The following SPAG16 variants were observed in gnomAD, a reference collection of about 807,000 sequenced individuals.
The protein encoded by SPAG16 is sperm associated antigen 16.
SPAG16 carries 86 observed loss-of-function variants against 80.4 expected under a neutral mutation model. The ratio of observed to expected loss-of-function variants is 1.07; its 90% CI spans 0.90 to 1.28. The LOEUF is 1.28. Among genes scored for constraint, SPAG16 ranks in the 50% most tolerant of loss-of-function variants. The pLI is 0.00. For synonymous variants in SPAG16, 294 were observed against 265.9 expected, an observed-to-expected ratio of 1.11 and a Z score of -1.03; for missense variants, 870 against 765.3, an observed-to-expected ratio of 1.14 and a Z score of -1.61.
chr2:213,857,698 T>A (rs530844435), intron 10 of SPAG16, among the ~76,000 whole-genome samples: 118 of 152,372 alleles, frequency 7.7e-4, no homozygotes, highest in East Asian at 1.9e-3. Flanking sequence ...CGTGGGTCAA[T>A]GAGTAATTTC....
intron 15 of SPAG16, among the ~76,000 whole-genome samples, chr2:214,193,721 C>T (rs1376878941): frequency 1.3e-5 from 2 of 152,152 alleles, no homozygotes; most frequent in South Asian, 2.1e-4. Context: ...ATTTTATATT[C>T]AGTACAGGTT....
chr2:213,839,394 AT>A (rs1166076804), intron 10 of SPAG16, among the ~76,000 whole-genome samples: 1 of 152,094 alleles, frequency 6.6e-6, no homozygotes, highest in Non-Finnish European at 1.5e-5. Context: ...TTTTTTTATG[AT>A]TTTTTCCATC....
chr2:213,659,147 C>T (rs2063330524), intron 10 of SPAG16, among the ~76,000 whole-genome samples: 1 of 151,980 alleles, frequency 6.6e-6, no homozygotes, highest in African/African-American at 2.4e-5. Flanking sequence ...TATGTCTAAC[C>T]ATCCATTGCT....
intron 8 of SPAG16, among the ~76,000 whole-genome samples, chr2:213,369,253 G>C (rs548248479): frequency 6.6e-6 from 1 of 152,156 alleles, no homozygotes; most frequent in South Asian, 2.1e-4. Context: ...TTTGCCAGAA[G>C]GAAATTAATA....
intron 12 of SPAG16, among the ~76,000 whole-genome samples, chr2:213,958,341 G>A (rs1207534128): frequency 6.6e-6 from 1 of 152,142 alleles, no homozygotes; most frequent in Non-Finnish European, 1.5e-5. Flanking sequence ...CCCATGGGCA[G>A]GTGGTTGTCA....
chr2:213,649,871 A>G (rs1454042352), intron 10 of SPAG16, among the ~76,000 whole-genome samples: 2 of 152,172 alleles, frequency 1.3e-5, no homozygotes, highest in Non-Finnish European at 2.9e-5. Context: ...TAAGAAGCTC[A>G]TTGCAGAGCT....
At chr2:214,084,933 A>C (rs933280429) in intron 13 of SPAG16, among the ~76,000 whole-genome samples, 1 of 152,204 alleles carries the variant, frequency 6.6e-6, no homozygotes, top group Admixed American at 6.5e-5. Context: ...TAAACAAAGT[A>C]TGTGGTAAGT....
Position 213,900,946 on chromosome 2 carries a change from G to A in SPAG16, c.1215-29014G>A, listed in dbSNP as rs565819965. Among the ~76,000 whole-genome samples, 30 of 152,156 alleles carry A rather than the reference G, an allele frequency of 2.0e-4. 2 individuals are homozygous for A. Among genetic ancestry groups the A allele is most frequent in the African/African-American group, 6.3e-4 (26 of 41,518 alleles). On this transcript the variant is annotated intron_variant, in intron 11 of 15. Coordinates refer to ENST00000331683, the MANE Select transcript of SPAG16 (RefSeq NM_024532.5). ...AATATTACAATTAATTCATTCTAAG[G>A]CAGAGTTTATTCAATCATCTGTATA...
chr2:213,934,150 A>G (rs2078891683), intron 12 of SPAG16, among the ~76,000 whole-genome samples: 1 of 152,220 alleles, frequency 6.6e-6, no homozygotes, highest in Admixed American at 6.5e-5. Flanking sequence ...CCATGGTCCA[A>G]TCAAGGAACT....
intron 11 of SPAG16, among the ~76,000 whole-genome samples, chr2:213,894,186 A>G (rs895338822): frequency 2.6e-5 from 4 of 152,188 alleles, no homozygotes; most frequent in Non-Finnish European, 4.4e-5. Context: ...GGTCACAAAA[A>G]TTCTCAAGAA....
chr2:213,285,897 C>A, intron 1 of SPAG16: 1 of 1,289,498 alleles, frequency 7.8e-7, no homozygotes, highest in Non-Finnish European at 1.0e-6. Flanking sequence ...TTATCTATAT[C>A]CAGTGCCCTT....
At chr2:213,592,589 C>T (rs2060737125) in intron 10 of SPAG16, among the ~76,000 whole-genome samples, 2 of 152,158 alleles carry the variant, frequency 1.3e-5, no homozygotes, top group African/African-American at 4.8e-5. Context: ...TAGTAATAGA[C>T]TAGATGACTC....
At chr2:214,152,385 A>G (rs933501462) in intron 15 of SPAG16, among the ~76,000 whole-genome samples, 2 of 152,318 alleles carry the variant, frequency 1.3e-5, no homozygotes, top group South Asian at 2.1e-4. Flanking sequence ...GTTTAATCAC[A>G]TGTTCAGCAC....
At chr2:214,000,148 T>C (rs2046724036) in intron 12 of SPAG16, among the ~76,000 whole-genome samples, 1 of 152,072 alleles carries the variant, frequency 6.6e-6, no homozygotes, top group Non-Finnish European at 1.5e-5. Context: ...ATGGTTTGGC[T>C]CTGTGTCCCC....
chr2:214,131,277 G>T (rs1042669706), intron 14 of SPAG16, among the ~76,000 whole-genome samples: 22 of 152,032 alleles, frequency 1.4e-4, no homozygotes, highest in African/African-American at 5.3e-4. Flanking sequence ...AGTTGAAGTG[G>T]GAGGATGGCT....
intron 10 of SPAG16, among the ~76,000 whole-genome samples, chr2:213,607,675 T>A (rs1359883919): frequency 6.6e-6 from 1 of 152,212 alleles, no homozygotes; most frequent in African/African-American, 2.4e-5. Context: ...TACCTCTGTC[T>A]AATGTGAGTT....
At chr2:213,931,262 G>A (rs1379751807) in intron 12 of SPAG16, among the ~76,000 whole-genome samples, 1 of 152,110 alleles carries the variant, frequency 6.6e-6, no homozygotes, top group African/African-American at 2.4e-5. Context: ...GAGTTATAAA[G>A]CTATAGCTAA....
At chr2:213,402,414 A>T (rs911277166) in intron 9 of SPAG16, among the ~76,000 whole-genome samples, 4 of 152,074 alleles carry the variant, frequency 2.6e-5, no homozygotes, top group Non-Finnish European at 4.4e-5. Flanking sequence ...AAATTTATTT[A>T]TAGTTTTTTT....
chr2:214,066,633 T>A (rs1041085213), intron 13 of SPAG16, among the ~76,000 whole-genome samples: 2 of 152,006 alleles, frequency 1.3e-5, no homozygotes, highest in African/African-American at 4.8e-5. Flanking sequence ...CAACAAAATA[T>A]TCAATATAAT....
Sources: allele counts gnomAD v4.1 joint callset (sites outside exome capture counted in the v4.1 genomes callset), GRCh38; gene constraint gnomAD v4.1.1; transcripts MANE v1.5; gene names NCBI Gene and HGNC (gene_info 2026-07-23, HGNC 2026-07-21).